The following PARD3 variants were observed in gnomAD, a reference collection of about 807,000 sequenced individuals.
PARD3 encodes the protein partitioning defective 3 homolog.
Under a neutral mutation model 155.4 loss-of-function variants are expected in PARD3, and 75 were observed. The ratio of observed to expected loss-of-function variants is 0.48; its 90% CI spans 0.40 to 0.58. PARD3 has a LOEUF of 0.58. Among genes scored for constraint, PARD3 ranks in the 20% least tolerant of loss-of-function variants. The probability of loss-of-function intolerance (pLI) is 0.00; values close to 1 mark genes in which losing one functional copy is unlikely to be tolerated. For synonymous variants in PARD3, 576 were observed against 610.5 expected, an observed-to-expected ratio of 0.94 and a Z score of 0.83; for missense variants, 1,642 against 1,721.7, an observed-to-expected ratio of 0.95 and a Z score of 0.82.
chr10:34,539,528 C>T (rs1276937769), intron 2 of PARD3, among the ~76,000 whole-genome samples: 2 of 152,000 alleles, frequency 1.3e-5, no homozygotes, highest in African/African-American at 2.4e-5. Context: ...GGTGTGGTGG[C>T]GGGCACCTGT....
intron 19 of PARD3, among the ~76,000 whole-genome samples, chr10:34,327,224 C>T (rs1285482305): frequency 6.6e-6 from 1 of 152,170 alleles, no homozygotes; most frequent in East Asian, 1.9e-4. Flanking sequence ...CTGTCAAACA[C>T]AGGTAGGGCC....
chr10:34,562,506 C>T (rs1417795686), intron 2 of PARD3, among the ~76,000 whole-genome samples: 2 of 152,100 alleles, frequency 1.3e-5, no homozygotes, highest in Non-Finnish European at 2.9e-5. Flanking sequence ...GTGGCATCAG[C>T]AGCACCGAGC....
chr10:34,116,183 C>T (rs1946660555), intron 24 of PARD3, among the ~76,000 whole-genome samples: 1 of 152,144 alleles, frequency 6.6e-6, no homozygotes, highest in Non-Finnish European at 1.5e-5. Flanking sequence ...TGATTTCTGT[C>T]CATAGAGTTT....
intron 20 of PARD3, among the ~76,000 whole-genome samples, chr10:34,289,136 T>C (rs932499319): frequency 2.0e-5 from 3 of 151,926 alleles, no homozygotes; most frequent in African/African-American, 7.3e-5. Flanking sequence ...AGCTAATTTT[T>C]GTATTTTTGT....
chr10:34,606,965 T>TAA (rs531578595), intron 2 of PARD3, among the ~76,000 whole-genome samples: 31,971 of 114,496 alleles, frequency 0.28, 4,750 homozygotes, highest in East Asian at 0.36. Flanking sequence ...GACTCTGTCT[T>TAA]AAAAAAAAAA....
At chr10:34,474,141 G>A (rs2078544114) in intron 3 of PARD3, among the ~76,000 whole-genome samples, 1 of 152,098 alleles carries the variant, frequency 6.6e-6, no homozygotes, top group Non-Finnish European at 1.5e-5. Flanking sequence ...CTCCAGCCTG[G>A]GCAACAGAGC....
chr10:34,128,070 T>G (rs1386701266), intron 23 of PARD3, among the ~76,000 whole-genome samples: 1 of 152,168 alleles, frequency 6.6e-6, no homozygotes, highest in Non-Finnish European at 1.5e-5. Context: ...GGAACTTGTT[T>G]TATAACCTCC....
At chr10:34,739,457 C>T (rs1303176651) in intron 1 of PARD3, among the ~76,000 whole-genome samples, 2 of 152,300 alleles carry the variant, frequency 1.3e-5, no homozygotes, top group South Asian at 2.1e-4. Flanking sequence ...GCAAGATAAG[C>T]GTCCACCTGA....
intron 5 of PARD3, among the ~76,000 whole-genome samples, chr10:34,436,228 AC>A (rs1327430449): frequency 3.3e-5 from 5 of 152,124 alleles, no homozygotes; most frequent in Non-Finnish European, 7.4e-5. Context: ...CCCAACTCTC[AC>A]CCCAAGACGT....
At chr10:34,447,823 A>G (rs1472470649) in intron 5 of PARD3, among the ~76,000 whole-genome samples, 1 of 136,230 alleles carries the variant, frequency 7.3e-6, no homozygotes, top group African/African-American at 3.0e-5. Flanking sequence ...GAAAGAAAAA[A>G]AAGTCAAAAT....
intron 1 of PARD3, among the ~76,000 whole-genome samples, chr10:34,712,301 C>G (rs571413505): frequency 1.3e-5 from 2 of 152,296 alleles, no homozygotes; most frequent in Non-Finnish European, 2.9e-5. Context: ...ACAGTGTGGA[C>G]GTAGCTACAG....
At chr10:34,226,591 T>G (rs1952614784) in intron 22 of PARD3, among the ~76,000 whole-genome samples, 1 of 152,188 alleles carries the variant, frequency 6.6e-6, no homozygotes, top group South Asian at 2.1e-4. Flanking sequence ...GGTGGAGATG[T>G]GACTATATTA....
At chr10:34,771,408 T>A (rs12266891) in intron 1 of PARD3, among the ~76,000 whole-genome samples, 9 of 152,176 alleles carry the variant, frequency 5.9e-5, no homozygotes, top group African/African-American at 1.7e-4. Flanking sequence ...ACGTGTAGCA[T>A]AGTGCCTGGC....
At chr10:34,118,554 C>T (rs535879727) in intron 24 of PARD3, among the ~76,000 whole-genome samples, 2 of 152,176 alleles carry the variant, frequency 1.3e-5, no homozygotes, top group Non-Finnish European at 2.9e-5. Flanking sequence ...CCATGTTGCC[C>T]AGGCTGGTCT....
At chr10:34,554,570 T>C (rs1206159067) in intron 2 of PARD3, among the ~76,000 whole-genome samples, 1 of 152,202 alleles carries the variant, frequency 6.6e-6, no homozygotes, top group East Asian at 1.9e-4. Context: ...GATATAGATT[T>C]CTCATAACTC....
chr10:34,627,303 C>T (rs1355497968), intron 2 of PARD3, among the ~76,000 whole-genome samples: 1 of 152,228 alleles, frequency 6.6e-6, no homozygotes, highest in Non-Finnish European at 1.5e-5. Context: ...GCTGGGATTA[C>T]AGGCATGAGC....
chr10:34,281,988 CA>C (rs1375169551), intron 21 of PARD3, among the ~76,000 whole-genome samples: 1 of 151,754 alleles, frequency 6.6e-6, no homozygotes, highest in Non-Finnish European at 1.5e-5. Flanking sequence ...TTGATTACTC[CA>C]GTCAAAATTT....
intron 1 of PARD3, among the ~76,000 whole-genome samples, chr10:34,742,649 G>C (rs1483877970): frequency 6.6e-6 from 1 of 152,144 alleles, no homozygotes; most frequent in African/African-American, 2.4e-5. Flanking sequence ...AACCAATCCA[G>C]GGTTGATCTA....
intron 22 of PARD3, among the ~76,000 whole-genome samples, chr10:34,156,808 T>C (rs1275510879): frequency 8.0e-6 from 1 of 125,082 alleles, no homozygotes; most frequent in Non-Finnish European, 1.7e-5. Context: ...GTAAATTCCT[T>C]GTATCTTTGG....
Sources: allele counts gnomAD v4.1 joint callset (sites outside exome capture counted in the v4.1 genomes callset), GRCh38; gene constraint gnomAD v4.1.1; transcripts MANE v1.5; gene names NCBI Gene and HGNC (gene_info 2026-07-23, HGNC 2026-07-21).